The following PPP1R10 variants were observed in gnomAD, a reference collection of about 807,000 sequenced individuals.
PPP1R10 encodes serine/threonine-protein phosphatase 1 regulatory subunit 10.
A neutral mutation model predicts 99.0 loss-of-function variants in PPP1R10; 15 were observed. The ratio of observed to expected loss-of-function variants is 0.15; its 90% CI spans 0.10 to 0.23. The LOEUF (loss-of-function observed/expected upper bound fraction) is 0.23, where lower values mean the gene tolerates loss of function less well. PPP1R10 is among the 10% of genes least tolerant of loss of function. The pLI is 1.00. For missense variants in PPP1R10, 947 were observed against 1,259.4 expected (o/e 0.75, Z 3.75); for synonymous variants, 430 against 449.5 (o/e 0.96, Z 0.55).
intron 1 of PPP1R10, 77 bp from the exon 2 acceptor site, chr6:30,617,075 G>A (rs561212227): frequency 6.6e-6 from 1 of 152,510 alleles, no homozygotes; most frequent in South Asian, 2.0e-4. Flanking sequence ...TGCCATCTTT[G>A]TTGTCCCCAA....
At chr6:30,610,645 G>A (rs1197929051) in intron 2 of PPP1R10, among the ~76,000 whole-genome samples, 2 of 152,184 alleles carry the variant, frequency 1.3e-5, no homozygotes, top group African/African-American at 2.4e-5. Flanking sequence ...TGAATAGACT[G>A]TCACTCATTA....
At position 30,607,905 on chromosome 6, in the gene PPP1R10, G is replaced by A. The variant is rs750681828; in HGVS notation, c.331-14C>T. 6.2e-7 allele frequency: 1 copy of A among 1,612,722 alleles called. No individual in the cohort carries two copies. The highest frequency in any genetic ancestry group is 1.1e-5 in the South Asian group (1 of 91,030). On this transcript the variant is annotated splice_polypyrimidine_tract_variant and intron_variant, in intron 5 of 19. Transcript: ENST00000376511. ...AGCTGTGTTGTTCTATGAGAGATGG[G>A]AGCAGCAGAAAGGTAAATGCCAGGA...
chr6:30,608,384 C>T (rs985929471), intron 5 of PPP1R10, among the ~76,000 whole-genome samples: 26 of 151,830 alleles, frequency 1.7e-4, no homozygotes, highest in African/African-American at 6.3e-4. Context: ...TCACAATAAC[C>T]TCCACCTCCT....
intron 2 of PPP1R10, 63 bp from the exon 3 acceptor site, chr6:30,610,018 T>A: frequency 4.9e-6 from 5 of 1,017,846 alleles, no homozygotes; most frequent in Non-Finnish European, 7.8e-6. Context: ...ACTACCCGAG[T>A]AGGCCCTCTA....
Position 30,602,661 on chromosome 6 carries a change from C to G in PPP1R10, c.1988G>C (p.Gly663Ala). ...GGGTGGAGGACCCAGAAGACGTGGA[C>G]CCACTGGCCCACCAGGGCCTCCATG... The part of the protein sequence containing the change: ...GPHGGPGGPV[G>A]PRLLGPPPPP... Residue 663 changes from glycine (G) to alanine (A), a missense_variant, in exon 19 of 20, where the codon GGT (glycine) becomes GCT (alanine). By Grantham distance (60) the Gly-to-Ala change is moderately conservative. Coordinates refer to ENST00000376511, the MANE Select transcript of PPP1R10 (RefSeq NM_002714.4). The surrounding 1 kb of genome is among the most constrained non-coding windows in gnomAD (Gnocchi z 6.7). The G allele has an allele frequency of 6.2e-7, 1 of 1,601,894 alleles. No homozygotes were observed. The highest frequency in any genetic ancestry group is 8.5e-7 in the Non-Finnish European group (1 of 1,176,130).
chr6:30,611,396 AG>A (rs35790032), intron 2 of PPP1R10, among the ~76,000 whole-genome samples: 1 of 152,362 alleles, frequency 6.6e-6, no homozygotes, highest in East Asian at 1.9e-4. Flanking sequence ...CTGAGTAGCA[AG>A]GAAGAGGCAA....
rs1227950386 is a variant in PPP1R10 at position 30,606,875 on chromosome 6, G to A, written c.383-19C>T. On this transcript the variant is annotated intron_variant, in intron 6 of 19. Coordinates refer to ENST00000376511, the MANE Select transcript of PPP1R10 (RefSeq NM_002714.4). This position sits in a 1 kb window ranked among gnomAD's most constrained non-coding sequence, Gnocchi z 6.3. ...CGGAGCTCTGCAGGTGACAGAAAGG[G>A]GAAATGCCTAAATAATGTAAAGTAA... 1 of 1,592,214 alleles carries A rather than the reference G, an allele frequency of 6.3e-7. No individual in the cohort carries two copies. Among genetic ancestry groups the A allele is most frequent in the Non-Finnish European group, 8.6e-7 (1 of 1,160,698 alleles).
intron 17 of PPP1R10, 61 bp from the exon 18 acceptor site, chr6:30,603,020 A>G (rs1803534105): frequency 1.4e-6 from 2 of 1,446,428 alleles, no homozygotes. Flanking sequence ...ATGATCTCCC[A>G]TTTAGGTGCA....
chr6:30,615,604 G>A lies in PPP1R10; in HGVS notation c.-12+874C>T, dbSNP rs546915729. On this transcript the variant is annotated intron_variant, in intron 2 of 19. Coordinates refer to ENST00000376511, the MANE Select transcript of PPP1R10 (RefSeq NM_002714.4). Reference sequence around the variant, plus strand: ...TTTAACGACACAAATCTTTTAGAAAGCTAGCATTCAATTGCACTAAATGGC... The same window carrying A: ...TTTAACGACACAAATCTTTTAGAAAACTAGCATTCAATTGCACTAAATGGC... Among the ~76,000 whole-genome samples, 6 of 152,274 alleles carry A rather than the reference G, an allele frequency of 3.9e-5. No homozygotes were observed. In the East Asian group the frequency reaches 9.6e-4, roughly 24 times the overall value.
rs760405117 is a variant in PPP1R10 at position 30,602,564 on chromosome 6, A to AC, written c.2084dup (p.Pro696SerfsTer10). Reference sequence around the variant, plus strand: ...GGTATGGTCCAGGACCTGGTCCTGGACCCCCCCGCATTGGGCCACCCCGCA... The same window carrying AC: ...GGTATGGTCCAGGACCTGGTCCTGGACCCCCCCCGCATTGGGCCACCCCGCA... On this transcript the variant is annotated frameshift_variant, in exon 19 of 20. Coordinates refer to ENST00000376511, the MANE Select transcript of PPP1R10 (RefSeq NM_002714.4). LOFTEE classifies it high-confidence loss of function. This position sits in a 1 kb window ranked among gnomAD's most constrained non-coding sequence, Gnocchi z 6.7. The AC allele has an allele frequency of 2.6e-6, 4 of 1,533,086 alleles. No individual in the cohort carries two copies. The highest frequency in any genetic ancestry group is 1.2e-5 in the South Asian group (1 of 83,504). The allele number at this position is 1,533,086 out of a possible 1,614,324, so 95.0% of individuals were successfully genotyped here. A position where few individuals can be genotyped will look rare whatever the true frequency, so the allele number is the denominator to read the frequency against.
intron 6 of PPP1R10, 49 bp downstream of exon 6, chr6:30,607,791 G>C: frequency 6.4e-7 from 1 of 1,554,740 alleles, no homozygotes; most frequent in Non-Finnish European, 8.9e-7. Flanking sequence ...AGGTAATTAA[G>C]TGGAAGTAAT....
chr6:30,602,398 G>A lies in PPP1R10; in HGVS notation c.2251C>T (p.His751Tyr). Residue 751 changes from histidine (H) to tyrosine (Y), a missense_variant, in exon 19 of 20, where the codon CAT (histidine) becomes TAT (tyrosine). Around this residue, in one of 10 missense-constraint regions of PPP1R10, gnomAD observed 525 missense variants for 578.8 expected, o/e 0.91. Transcript: ENST00000376511. This position sits in a 1 kb window ranked among gnomAD's most constrained non-coding sequence, Gnocchi z 6.7. Reference protein sequence around the residue: ...PGGGMVGGGGHRPHEGPGGGM... With the variant: ...PGGGMVGGGGYRPHEGPGGGM... ...CCACCAGGGCCTTCGTGAGGACGATGCCCACCACCTCCAACCATGCCCCCA... is the reference window on the plus strand; with the variant it reads ...CCACCAGGGCCTTCGTGAGGACGATACCCACCACCTCCAACCATGCCCCCA... 1.2e-6 allele frequency: 2 copies of A among 1,611,850 alleles called. No homozygotes were observed. The highest frequency in any genetic ancestry group is 1.7e-6 in the Non-Finnish European group (2 of 1,179,610).
chr6:30,601,690 G>C (rs1360667362), intron 19 of PPP1R10, 32 bp from the exon 20 acceptor site: 2 of 1,591,976 alleles, frequency 1.3e-6, no homozygotes, highest in Non-Finnish European at 1.7e-6. Flanking sequence ...AGTTAGACAG[G>C]AAATAGCTGA....
rs1250792645 is a variant in PPP1R10, at chr6:30,615,967, T to C, written c.-12+511A>G. ...GTTATAGCGAGCTATTACTTCTCTC[T>C]GCCCATCTCCTTACCCTGCAATCTT... On this transcript the variant is annotated intron_variant, in intron 2 of 19. Coordinates refer to ENST00000376511, the MANE Select transcript of PPP1R10 (RefSeq NM_002714.4). Among the ~76,000 whole-genome samples, 9 of 152,226 alleles carry C rather than the reference T, an allele frequency of 5.9e-5. 1 individual carries two copies. The highest frequency in any genetic ancestry group is 5.2e-4 in the Admixed American group (8 of 15,282).
rs779451510 is a variant in PPP1R10 at position 30,606,383 on chromosome 6, C to T, written c.634+85G>A. 23 of 1,580,848 alleles carry T rather than the reference C, an allele frequency of 1.5e-5. No homozygotes were observed. Among genetic ancestry groups the T allele is most frequent in the Non-Finnish European group, 2.0e-5 (23 of 1,157,984 alleles). On this transcript the variant is annotated intron_variant, in intron 8 of 19. Transcript: ENST00000376511. The surrounding 1 kb of genome is among the most constrained non-coding windows in gnomAD (Gnocchi z 6.3). ...AGTCTTCCCTCTTCCTTACGATTAA[C>T]ATACCACACATCAAATGATTCCCCC... is the stretch of plus-strand genomic sequence containing the variant.
chr6:30,615,750 T>A (rs1469072301), intron 2 of PPP1R10, among the ~76,000 whole-genome samples: 1 of 152,176 alleles, frequency 6.6e-6, no homozygotes, highest in Non-Finnish European at 1.5e-5. Context: ...TTTAAATACC[T>A]ATGCAATCTG....
Position 30,610,000 on chromosome 6 carries a change from T to C in PPP1R10, c.-11-45A>G. ...CAAACAAACCCACAGAATAAATGGGTGGCAAGGACTACCCGAGTAGGCCCT... is the reference window on the plus strand; with the variant it reads ...CAAACAAACCCACAGAATAAATGGGCGGCAAGGACTACCCGAGTAGGCCCT... On this transcript the variant is annotated intron_variant, in intron 2 of 19. Coordinates refer to ENST00000376511, the MANE Select transcript of PPP1R10 (RefSeq NM_002714.4). This position sits in a 1 kb window ranked among gnomAD's most constrained non-coding sequence, Gnocchi z 4.5. 1 of 1,324,158 alleles carries C rather than the reference T, an allele frequency of 7.6e-7. No homozygotes were observed. Among genetic ancestry groups the C allele is most frequent in the Admixed American group, 1.7e-5 (1 of 59,182 alleles). 82.0% of individuals were successfully genotyped at this position (1,324,158 alleles called of 1,614,324 possible). A position where few individuals can be genotyped will look rare whatever the true frequency, so the allele number is the denominator to read the frequency against.
At chr6:30,607,108 A>G (rs765217395) in intron 6 of PPP1R10, among the ~76,000 whole-genome samples, 2 of 152,214 alleles carry the variant, frequency 1.3e-5, no homozygotes, top group Non-Finnish European at 2.9e-5. Context: ...AAAAGACCTA[A>G]TATTTCAGAA....
rs1304720900 is a variant in PPP1R10, at chr6:30,606,920, A to G, written c.383-64T>C. ...AAGTAACATTCTTCCAGGAACAGAA[A>G]ATGGGAGGTTTGAGAAAATATTGTG... On this transcript the variant is annotated intron_variant, in intron 6 of 19. Coordinates refer to ENST00000376511, the MANE Select transcript of PPP1R10 (RefSeq NM_002714.4). The surrounding 1 kb of genome is among the most constrained non-coding windows in gnomAD (Gnocchi z 6.3). The G allele has an allele frequency of 4.9e-6, 7 of 1,419,316 alleles. No homozygotes were observed. Among genetic ancestry groups the G allele is most frequent in the Non-Finnish European group, 6.9e-6 (7 of 1,016,862 alleles). The allele number at this position is 1,419,316 out of a possible 1,614,324, so 87.9% of individuals were successfully genotyped here.
Sources: allele counts gnomAD v4.1 joint callset (sites outside exome capture counted in the v4.1 genomes callset), GRCh38; gene constraint gnomAD v4.1.1; regional missense constraint gnomAD v4.1.1; non-coding constraint Gnocchi (gnomAD v3.1); transcripts MANE v1.5; gene names NCBI Gene and HGNC (gene_info 2026-07-23, HGNC 2026-07-21).